Variants in PPP1R3A observed in about 807,000 individuals in gnomAD.
PPP1R3A encodes the protein protein phosphatase 1 regulatory subunit 3A.
In PPP1R3A, 29 loss-of-function variants were observed where a neutral mutation model predicts 41.7. The ratio of observed to expected loss-of-function variants is 0.70; its 90% CI spans 0.52 to 0.95. The LOEUF (loss-of-function observed/expected upper bound fraction) is 0.95. Ranked by LOEUF, PPP1R3A falls within the 40% of genes least tolerant of loss-of-function variation. The pLI is 0.00. For missense variants in PPP1R3A, 1,352 were observed against 1,292.4 expected (o/e 1.05, Z -0.71); for synonymous variants, 485 against 453.4 (o/e 1.07, Z -0.89).
At chr7:113,895,437 A>G (rs1796961408) in intron 1 of PPP1R3A, among the ~76,000 whole-genome samples, 3 of 151,976 alleles carry the variant, frequency 2.0e-5, no homozygotes, top group African/African-American at 7.2e-5. Context: ...AATGAAGTGA[A>G]TATCTTATTT....
chr7:113,911,213 G>T (rs947518422), intron 1 of PPP1R3A, among the ~76,000 whole-genome samples: 1 of 152,014 alleles, frequency 6.6e-6, no homozygotes, highest in Non-Finnish European at 1.5e-5. Context: ...TCTTTAAACA[G>T]CAGGATGGCA....
chr7:113,915,298 C>A (rs762720366), intron 1 of PPP1R3A, among the ~76,000 whole-genome samples: 1 of 151,900 alleles, frequency 6.6e-6, no homozygotes, highest in Non-Finnish European at 1.5e-5. Context: ...TAACAGAAAT[C>A]CTACCTAAAT....
chr7:113,908,397 T>A (rs185365949), intron 1 of PPP1R3A, among the ~76,000 whole-genome samples: 1 of 151,826 alleles, frequency 6.6e-6, no homozygotes, highest in African/African-American at 2.4e-5. Context: ...ATGAGTTGAG[T>A]GTAACTGGGC....
intron 1 of PPP1R3A, among the ~76,000 whole-genome samples, chr7:113,907,752 G>C (rs1797169972): frequency 6.6e-6 from 1 of 151,672 alleles, no homozygotes; most frequent in South Asian, 2.1e-4. Context: ...TAATGTTATG[G>C]TTTGAAAAAA....
intron 1 of PPP1R3A, among the ~76,000 whole-genome samples, chr7:113,889,941 C>A (rs1286694633): frequency 1.3e-5 from 2 of 151,984 alleles, no homozygotes; most frequent in African/African-American, 4.8e-5. Flanking sequence ...ACTGTGTGCT[C>A]CCTGAGGAAC....
chr7:113,885,515 A>G (rs1025582703), intron 1 of PPP1R3A, among the ~76,000 whole-genome samples: 8 of 152,282 alleles, frequency 5.3e-5, no homozygotes, highest in Admixed American at 4.6e-4. Context: ...TACCTGAGAT[A>G]TCTAAAAGAA....
intron 1 of PPP1R3A, among the ~76,000 whole-genome samples, chr7:113,917,386 C>A (rs1200768112): frequency 6.6e-6 from 1 of 152,012 alleles, no homozygotes; most frequent in Non-Finnish European, 1.5e-5. Flanking sequence ...CCTAGTGTCA[C>A]AGAAATTAGC....
intron 1 of PPP1R3A, among the ~76,000 whole-genome samples, chr7:113,904,849 G>C (rs1797119559): frequency 6.6e-6 from 1 of 151,620 alleles, no homozygotes; most frequent in Non-Finnish European, 1.5e-5. Context: ...TCAAAATTAT[G>C]TTTAATTCAA....
chr7:113,879,300 G>C lies in PPP1R3A; in HGVS notation c.1792C>G (p.Pro598Ala). The C allele has an allele frequency of 6.2e-7, 1 of 1,613,548 alleles. No individual in the cohort carries two copies. The highest frequency in any genetic ancestry group is 8.5e-7 in the Non-Finnish European group (1 of 1,179,704). ...NLSWEEAVLTPEHHHLTSEGS... is the reference protein window; with the variant it reads ...NLSWEEAVLTAEHHHLTSEGS... Reference sequence around the variant, plus strand: ...TCACTAGTCAAATGATGATGCTCTGGGGTTAACACAGCTTCTTCCCAACTT... The same window carrying C: ...TCACTAGTCAAATGATGATGCTCTGCGGTTAACACAGCTTCTTCCCAACTT... The change falls in exon 4 of 4, where the codon CCA (proline) becomes GCA (alanine). Residue 598 changes from proline (P) to alanine (A), a missense_variant. By Grantham distance (27) the Pro-to-Ala change is conservative. Coordinates refer to ENST00000284601, the MANE Select transcript of PPP1R3A (RefSeq NM_002711.4).
In PPP1R3A at chr7:113,880,102, G is replaced by C; in HGVS notation, c.990C>G (p.Thr330=). The C allele has an allele frequency of 6.2e-7, 1 of 1,600,658 alleles. No individual in the cohort carries two copies. The part of the protein sequence containing the change: ...ELMINQHLIR[T]RSTASRDERN... ...TTTCATCTCTGGAAGCAGTACTTCT[G>C]GTTCTTATTAAGTGTTGATTTATCT... is the stretch of plus-strand genomic sequence containing the variant. Residue 330 remains threonine (T), a synonymous_variant, in exon 4 of 4, where the codon ACC becomes ACG. Coordinates refer to ENST00000284601, the MANE Select transcript of PPP1R3A (RefSeq NM_002711.4).
At position 113,918,915 on chromosome 7, in the gene PPP1R3A, C is replaced by T. The variant is rs1261031723; in HGVS notation, c.82G>A (p.Asp28Asn). 1.7e-5 allele frequency: 28 copies of T among 1,612,812 alleles called. No individual in the cohort carries two copies. Among genetic ancestry groups the T allele is most frequent in the Non-Finnish European group, 2.4e-5 (28 of 1,179,162 alleles). ...CCAGGTTGGAAAGTAACTTCTTCAT[C>T]TTCACAAAGAGAGTCAGATAAATTA... The part of the protein sequence containing the change: ...VPNLSDSLCE[D>N]EEVTFQPGFS... Residue 28 changes from aspartate to asparagine, a missense_variant, in exon 1 of 4, where the codon GAT becomes AAT. Physicochemically the swap from Asp to Asn is conservative, Grantham distance 23. Transcript: ENST00000284601.
intron 1 of PPP1R3A, among the ~76,000 whole-genome samples, chr7:113,916,334 C>T (rs1797342300): frequency 6.6e-6 from 1 of 151,972 alleles, no homozygotes; most frequent in Non-Finnish European, 1.5e-5. Context: ...GCTGTGAATC[C>T]AATGATTACT....
intron 1 of PPP1R3A, among the ~76,000 whole-genome samples, chr7:113,914,768 A>G (rs780051911): frequency 7.2e-5 from 11 of 152,126 alleles, no homozygotes; most frequent in Non-Finnish European, 1.6e-4. Flanking sequence ...ATAGAGCTGT[A>G]GTTGTTCTCA....
At chr7:113,909,970 G>T (rs1797215309) in intron 1 of PPP1R3A, among the ~76,000 whole-genome samples, 2 of 152,082 alleles carry the variant, frequency 1.3e-5, no homozygotes, top group South Asian at 4.1e-4. Flanking sequence ...AAGGAAAGAG[G>T]TTTAATGGAC....
At chr7:113,910,533 A>G (rs1347058196) in intron 1 of PPP1R3A, among the ~76,000 whole-genome samples, 3 of 152,042 alleles carry the variant, frequency 2.0e-5, no homozygotes, top group Admixed American at 2.0e-4. Context: ...TTAAAACTTC[A>G]ATTTTTCTAT....
chr7:113,913,502 C>A (rs1398512195), intron 1 of PPP1R3A, among the ~76,000 whole-genome samples: 2 of 152,094 alleles, frequency 1.3e-5, no homozygotes, highest in African/African-American at 4.8e-5. Flanking sequence ...AATCAATTTT[C>A]TCCTTTGGCA....
chr7:113,906,240 T>C (rs768397202), intron 1 of PPP1R3A, among the ~76,000 whole-genome samples: 2 of 151,836 alleles, frequency 1.3e-5, no homozygotes, highest in Non-Finnish European at 2.9e-5. Context: ...ACAACAAATA[T>C]GCAGTTATTG....
intron 1 of PPP1R3A, among the ~76,000 whole-genome samples, chr7:113,897,328 A>G (rs2129117619): frequency 6.6e-6 from 1 of 151,936 alleles, no homozygotes; most frequent in African/African-American, 2.4e-5. Context: ...GAGATCCTAC[A>G]TAGATTTTAT....
chr7:113,884,349 T>C (rs1307935408), intron 1 of PPP1R3A, among the ~76,000 whole-genome samples: 1 of 152,034 alleles, frequency 6.6e-6, no homozygotes, highest in Non-Finnish European at 1.5e-5. Flanking sequence ...GAACTTTTTT[T>C]ATCAGATTAA....
Sources: gnomAD v4.1 joint callset for allele counts (sites outside exome capture counted in the v4.1 genomes callset) on GRCh38, gnomAD v4.1.1 for gene constraint, MANE v1.5 for transcripts, NCBI Gene and HGNC (gene_info 2026-07-23, HGNC 2026-07-21) for gene names.